GPC6: variants seen among roughly 807,000 people sequenced by gnomAD.
GPC6 encodes glypican-6.
In GPC6, 14 loss-of-function variants were observed where a neutral mutation model predicts 55.2. That is an observed-to-expected ratio of 0.25 (90% CI 0.17 to 0.40). The LOEUF (loss-of-function observed/expected upper bound fraction) is 0.40, where lower values mean the gene tolerates loss of function less well. Among genes scored for constraint, GPC6 ranks in the 10% least tolerant of loss-of-function variants. The pLI is 1.00. For synonymous variants in GPC6, 278 were observed against 259.6 expected, an observed-to-expected ratio of 1.07 and a Z score of -0.68; for missense variants, 641 against 708.5, an observed-to-expected ratio of 0.90 and a Z score of 1.08.
chr13:93,587,666 T>G (rs890784849), intron 2 of GPC6, among the ~76,000 whole-genome samples: 3 of 152,098 alleles, frequency 2.0e-5, no homozygotes, highest in African/African-American at 7.2e-5. Context: ...GGAGTCCTGC[T>G]CTCAGTACTC....
intron 1 of GPC6, among the ~76,000 whole-genome samples, chr13:93,243,823 T>A (rs551437957): frequency 6.6e-6 from 1 of 152,194 alleles, no homozygotes; most frequent in East Asian, 1.9e-4. Flanking sequence ...CAGAAGATGT[T>A]GTAATGGGCT....
intron 1 of GPC6, among the ~76,000 whole-genome samples, chr13:93,418,585 C>A (rs1594156029): frequency 6.7e-6 from 1 of 149,468 alleles, no homozygotes; most frequent in African/African-American, 2.5e-5. Context: ...ACCATAGTAT[C>A]ATTTTATTAA....
At chr13:93,529,791 A>G (rs1401078430) in intron 1 of GPC6, among the ~76,000 whole-genome samples, 1 of 152,232 alleles carries the variant, frequency 6.6e-6, no homozygotes, top group Non-Finnish European at 1.5e-5. Context: ...CTGGGATTAC[A>G]GGCATGAGCC....
At chr13:94,228,230 TGA>T (rs1262064719) in intron 4 of GPC6, among the ~76,000 whole-genome samples, 1 of 152,120 alleles carries the variant, frequency 6.6e-6, no homozygotes, top group African/African-American at 2.4e-5. Context: ...TGACCTACTC[TGA>T]GAGAATGCAG....
chr13:93,301,141 C>T (rs1216479291), intron 1 of GPC6, among the ~76,000 whole-genome samples: 1 of 152,186 alleles, frequency 6.6e-6, no homozygotes, highest in Non-Finnish European at 1.5e-5. Flanking sequence ...TTCATTGACT[C>T]AATAAACATG....
chr13:93,288,006 C>A (rs1229360990), intron 1 of GPC6, among the ~76,000 whole-genome samples: 3 of 152,082 alleles, frequency 2.0e-5, no homozygotes, highest in Non-Finnish European at 2.9e-5. Context: ...TGTTTTTAAG[C>A]TTCATCGGTT....
chr13:93,814,646 C>A (rs1354466169), intron 2 of GPC6, among the ~76,000 whole-genome samples: 1 of 152,154 alleles, frequency 6.6e-6, no homozygotes, highest in South Asian at 2.1e-4. Flanking sequence ...TGGAAAGATA[C>A]AAAAACTACT....
chr13:93,638,917 A>G (rs547282923), intron 2 of GPC6, among the ~76,000 whole-genome samples: 1 of 152,158 alleles, frequency 6.6e-6, no homozygotes, highest in African/African-American at 2.4e-5. Flanking sequence ...AAAATAGTGT[A>G]TATGTTAAAT....
At chr13:93,533,675 T>C (rs1400859370) in intron 1 of GPC6, among the ~76,000 whole-genome samples, 1 of 152,070 alleles carries the variant, frequency 6.6e-6, no homozygotes, top group Non-Finnish European at 1.5e-5. Context: ...TTTATTGGGG[T>C]GTAGGACACG....
At chr13:94,166,115 A>G (rs762763546) in intron 4 of GPC6, among the ~76,000 whole-genome samples, 1 of 152,168 alleles carries the variant, frequency 6.6e-6, no homozygotes, top group Non-Finnish European at 1.5e-5. Context: ...CCTGTCGATA[A>G]TGGGATCCCT....
At chr13:94,178,396 G>T (rs1334680572) in intron 4 of GPC6, among the ~76,000 whole-genome samples, 2 of 152,042 alleles carry the variant, frequency 1.3e-5, no homozygotes, top group East Asian at 1.9e-4. Flanking sequence ...ATGAGAAGTG[G>T]CTATATAAAT....
In GPC6 at chr13:93,820,020, C is replaced by T. The variant is rs190437822; in HGVS notation, c.320-10134C>T. Among the ~76,000 whole-genome samples the T allele has an allele frequency of 3.6e-3, 548 of 152,240 alleles. 2 individuals carry two copies. Among genetic ancestry groups the T allele is most frequent in the Non-Finnish European group, 5.6e-3 (379 of 68,006 alleles). On this transcript the variant is annotated intron_variant, in intron 2 of 8. Transcript: ENST00000377047. ...ATAGTGCTGCTTTTCAGGAAACTTT[C>T]ATTTTTGCAACTGAATTACACACTT...
chr13:94,162,043 A>T (rs1216742927), intron 4 of GPC6, among the ~76,000 whole-genome samples: 1 of 152,144 alleles, frequency 6.6e-6, no homozygotes, highest in Non-Finnish European at 1.5e-5. Context: ...TGATTCAATT[A>T]TTTCCCACTG....
intron 2 of GPC6, among the ~76,000 whole-genome samples, chr13:93,713,918 A>G (rs1316454795): frequency 1.3e-5 from 2 of 151,656 alleles, no homozygotes; most frequent in Non-Finnish European, 3.0e-5. Flanking sequence ...ACCTTTCACC[A>G]TATACAAAAA....
chr13:94,033,274 T>C (rs1032005366), intron 4 of GPC6, among the ~76,000 whole-genome samples: 1 of 152,210 alleles, frequency 6.6e-6, no homozygotes. Flanking sequence ...GATTCTTTCA[T>C]TGTGACAGCT....
intron 3 of GPC6, among the ~76,000 whole-genome samples, chr13:93,859,171 A>C (rs1888726408): frequency 6.6e-6 from 1 of 151,600 alleles, no homozygotes; most frequent in African/African-American, 2.4e-5. Context: ...GTCCAGTCTT[A>C]GGTCTTAAGC....
intron 6 of GPC6, 138 bp from the exon 7 acceptor site, chr13:94,382,276 G>GTC (rs909501144): frequency 2.3e-6 from 2 of 867,346 alleles, no homozygotes; most frequent in Non-Finnish European, 3.8e-6. Context: ...GCAGTGCAGT[G>GTC]TCTCTCTCTT....
At chr13:94,198,053 C>A (rs1889635754) in intron 4 of GPC6, among the ~76,000 whole-genome samples, 1 of 152,180 alleles carries the variant, frequency 6.6e-6, no homozygotes, top group African/African-American at 2.4e-5. Flanking sequence ...ACATGTAGCA[C>A]TGATCAAATT....
intron 4 of GPC6, among the ~76,000 whole-genome samples, chr13:94,085,457 T>G (rs552078874): frequency 6.6e-6 from 1 of 152,228 alleles, no homozygotes; most frequent in Admixed American, 6.5e-5. Flanking sequence ...CCAACTTGCA[T>G]TGCCAGTTTT....
Sources: allele counts gnomAD v4.1 joint callset (sites outside exome capture counted in the v4.1 genomes callset), GRCh38; gene constraint gnomAD v4.1.1; transcripts MANE v1.5; gene names NCBI Gene and HGNC (gene_info 2026-07-23, HGNC 2026-07-21).